COL15A1: variants seen among roughly 807,000 people sequenced by gnomAD.
COL15A1 encodes the protein collagen type XV alpha 1 chain.
A neutral mutation model predicts 165.9 loss-of-function variants in COL15A1; 111 were observed. The ratio of observed to expected loss-of-function variants is 0.67; its 90% CI spans 0.57 to 0.78. The LOEUF (loss-of-function observed/expected upper bound fraction) is 0.78. Among genes scored for constraint, COL15A1 ranks in the 30% least tolerant of loss-of-function variants. The pLI is 0.00. For synonymous variants in COL15A1, 659 were observed against 674.8 expected (o/e 0.98, Z 0.36); for missense variants, 1,745 against 1,789.7 (o/e 0.98, Z 0.45).
chr9:99,046,115 G>A (rs1564081664), intron 26 of COL15A1, among the ~76,000 whole-genome samples: 1 of 152,248 alleles, frequency 6.6e-6, no homozygotes, highest in Non-Finnish European at 1.5e-5. Context: ...GTGGGGGTCA[G>A]CAGGCTGCTG....
intron 11 of COL15A1, among the ~76,000 whole-genome samples, chr9:99,018,740 T>A (rs1392641247): frequency 6.6e-6 from 1 of 152,228 alleles, no homozygotes; most frequent in Non-Finnish European, 1.5e-5. Flanking sequence ...TAGCATATAA[T>A]GTTAAGTGAA....
intron 6 of COL15A1, 144 bp from the exon 7 acceptor site, chr9:99,000,695 T>G: frequency 1.6e-6 from 1 of 626,614 alleles, no homozygotes; most frequent in South Asian, 1.8e-5. Context: ...CCATGTATGT[T>G]GTTCTGCAAC....
rs1169065024 is a variant in COL15A1, at chr9:99,016,013, C to G, written c.1541C>G (p.Thr514Arg). ...GAAGAAGACTTGGCAGCAGCCACAA[C>G]AGAGGAGCCCCTCATCACAGCTGGG... ...GDEEDLAAATTEEPLITAGGE... is the reference protein window; with the variant it reads ...GDEEDLAAATREEPLITAGGE... The change falls in exon 11 of 42, where the codon ACA becomes AGA. Residue 514 changes from threonine to arginine, a missense_variant. Transcript: ENST00000375001. The G allele has an allele frequency of 6.2e-6, 10 of 1,613,954 alleles. No individual in the cohort carries two copies. Among genetic ancestry groups the G allele is most frequent in the African/African-American group, 1.3e-5 (1 of 74,930 alleles).
intron 2 of COL15A1, among the ~76,000 whole-genome samples, chr9:98,947,466 C>T (rs1837604585): frequency 6.6e-6 from 1 of 152,056 alleles, no homozygotes; most frequent in Admixed American, 6.6e-5. Context: ...TATAAATTTA[C>T]TAAAATAATC....
intron 6 of COL15A1, 90 bp downstream of exon 6, chr9:98,997,171 C>A: frequency 6.8e-7 from 1 of 1,460,194 alleles, no homozygotes; most frequent in Non-Finnish European, 9.4e-7. Flanking sequence ...CATACAGAAT[C>A]TCATTTAACC....
Position 98,989,150 on chromosome 9 carries a change from GT to G in COL15A1, c.724-27del, listed in dbSNP as rs1175579235. 3 of 1,589,590 alleles carry G rather than the reference GT, an allele frequency of 1.9e-6. No homozygotes were observed. In the Admixed American group the frequency reaches 5.0e-5, roughly 27 times the overall value. On this transcript the variant is annotated intron_variant, in intron 4 of 41. Coordinates refer to ENST00000375001, the MANE Select transcript of COL15A1 (RefSeq NM_001855.5). Reference sequence around the variant, plus strand: ...TTATGGGCCCTGCCCGCTCTGCCCGGTGTGTGGCACAGTTTGTCTCCACACA... The same window carrying G: ...TTATGGGCCCTGCCCGCTCTGCCCGGGTGTGGCACAGTTTGTCTCCACACA...
intron 11 of COL15A1, among the ~76,000 whole-genome samples, chr9:99,019,338 C>G (rs1163203631): frequency 6.6e-6 from 1 of 152,110 alleles, no homozygotes; most frequent in East Asian, 1.9e-4. Flanking sequence ...GGATTACAGA[C>G]AGACATGTGC....
At position 98,975,036 on chromosome 9, in the gene COL15A1, C is replaced by G. The variant is rs915859513; in HGVS notation, c.101-10529C>G. On this transcript the variant is annotated intron_variant, in intron 2 of 41. Transcript: ENST00000375001. The stretch of plus-strand genomic sequence containing the variant: ...GTTGTTGGGATCCCGGTTCACAGCG[C>G]AGGTGGAAAGCCTTCCTTGCAGTTG... 1.1e-4 allele frequency among the ~76,000 whole-genome samples: 17 copies of G among 152,168 alleles called. No homozygotes were observed. In the East Asian group the frequency reaches 3.3e-3, roughly 29 times the overall value.
intron 2 of COL15A1, among the ~76,000 whole-genome samples, chr9:98,961,609 A>C (rs1451027308): frequency 6.6e-6 from 1 of 152,164 alleles, no homozygotes; most frequent in African/African-American, 2.4e-5. Flanking sequence ...TCTGGGATGA[A>C]AGCAGGGCCT....
In COL15A1 at chr9:98,986,098, C is replaced by A; in HGVS notation, c.634C>A (p.Leu212Ile). 1 of 1,612,566 alleles carries A rather than the reference C, an allele frequency of 6.2e-7. No homozygotes were observed. The highest frequency in any genetic ancestry group is 2.2e-5 in the East Asian group (1 of 44,872). ...CATGGGCAATGCAGGAGCTACAGGG[C>A]TCGAGAGATTCACTGTGAGTTAAAG... ...IFMGNAGATG[L>I]ERFTGSLQQL... The change falls in exon 3 of 42, where the codon CTC becomes ATC. Residue 212 changes from leucine (L) to isoleucine (I), a missense_variant. Physicochemically the swap from Leu to Ile is conservative, Grantham distance 5. Transcript: ENST00000375001.
chr9:99,015,798 G>T (rs947982345), intron 10 of COL15A1, among the ~76,000 whole-genome samples, 178 bp from the exon 11 acceptor site: 4 of 152,230 alleles, frequency 2.6e-5, no homozygotes, highest in African/African-American at 9.6e-5. Context: ...GTGGTCCACA[G>T]TTGGCACTGA....
chr9:98,973,895 G>A (rs1003027987), intron 2 of COL15A1, among the ~76,000 whole-genome samples: 3 of 152,212 alleles, frequency 2.0e-5, no homozygotes, highest in African/African-American at 7.2e-5. Flanking sequence ...ACCTGGCAAG[G>A]GCCTTTGGAA....
In COL15A1 at chr9:98,944,190, C is replaced by T. The variant is rs1332614783; in HGVS notation, c.40C>T (p.Leu14=). 1 of 1,614,158 alleles carries T rather than the reference C, an allele frequency of 6.2e-7. No homozygotes were observed. Among genetic ancestry groups the T allele is most frequent in the East Asian group, 2.2e-5 (1 of 44,866 alleles). The change falls in exon 2 of 42, where the codon CTG becomes TTG. Residue 14 remains leucine, a synonymous_variant. Coordinates refer to ENST00000375001, the MANE Select transcript of COL15A1 (RefSeq NM_001855.5). The part of the protein sequence containing the change: ...RRNNGQCWCL[L]MLLSVSTPLP... ...GAACAACGGGCAGTGCTGGTGTCTG[C>T]TGATGCTGCTCTCGGTCTCCACGCC...
chr9:99,012,626 C>T (rs776699400), intron 9 of COL15A1, among the ~76,000 whole-genome samples: 1 of 151,756 alleles, frequency 6.6e-6, no homozygotes, highest in Non-Finnish European at 1.5e-5. Flanking sequence ...AGAAGAGGCA[C>T]CATAAAACCA....
In COL15A1 at chr9:99,035,379, A is replaced by G; in HGVS notation, c.2250A>G (p.Leu750=). Residue 750 remains leucine, a synonymous_variant, in exon 19 of 42, where the codon CTA becomes CTG. Coordinates refer to ENST00000375001, the MANE Select transcript of COL15A1 (RefSeq NM_001855.5). ...CCGAAGGCTCTGGAAGCACCCAGCT[A>G]TTGAATGAACCCAAACTCTCCAGAC... ...EDTEGSGSTQ[L]LNEPKLSRPT... The G allele has an allele frequency of 1.2e-6, 2 of 1,614,194 alleles. No individual in the cohort carries two copies. Among genetic ancestry groups the G allele is most frequent in the South Asian group, 1.1e-5 (1 of 91,088 alleles).
At chr9:98,993,508 AC>A (rs1441602409) in intron 5 of COL15A1, among the ~76,000 whole-genome samples, 1 of 151,866 alleles carries the variant, frequency 6.6e-6, no homozygotes, top group Non-Finnish European at 1.5e-5. Context: ...TTCCCTGTGC[AC>A]CCGTCTGTCT....
At chr9:98,960,096 T>C in intron 2 of COL15A1, among the ~76,000 whole-genome samples, 1 of 152,162 alleles carries the variant, frequency 6.6e-6, no homozygotes, top group Non-Finnish European at 1.5e-5. Flanking sequence ...ATGGGCATCA[T>C]CCAGGAGCTC....
chr9:99,054,950 A>G, intron 32 of COL15A1, 152 bp from the exon 33 acceptor site: 1 of 755,350 alleles, frequency 1.3e-6, no homozygotes, highest in Non-Finnish European at 2.3e-6. Context: ...CACAGTAGCT[A>G]GCACCTGTTT....
chr9:99,067,527 G>C (rs1347061061), intron 40 of COL15A1, among the ~76,000 whole-genome samples: 1 of 152,212 alleles, frequency 6.6e-6, no homozygotes, highest in Non-Finnish European at 1.5e-5. Context: ...TTGTGGGTAA[G>C]ACAGGGCCTT....
Sources: gnomAD v4.1 joint callset for allele counts (sites outside exome capture counted in the v4.1 genomes callset) on GRCh38, gnomAD v4.1.1 for gene constraint, MANE v1.5 for transcripts, NCBI Gene and HGNC (gene_info 2026-07-23, HGNC 2026-07-21) for gene names.